The following FMNL2 variants were observed in gnomAD, a reference collection of about 807,000 sequenced individuals.
The protein encoded by FMNL2 is formin-like protein 2.
In FMNL2, 51 loss-of-function variants were observed where a neutral mutation model predicts 130.2. That is an observed-to-expected ratio of 0.39 (90% CI 0.31 to 0.49). FMNL2 has a LOEUF of 0.49. FMNL2 is among the 20% of genes least tolerant of loss of function. The pLI is 0.85. For synonymous variants in FMNL2, 465 were observed against 467.1 expected (o/e 1.00, Z 0.06); for missense variants, 977 against 1,316.2 (o/e 0.74, Z 3.99).
chr2:152,538,610 T>C (rs1294263112), intron 2 of FMNL2, among the ~76,000 whole-genome samples: 1 of 152,072 alleles, frequency 6.6e-6, no homozygotes. Flanking sequence ...ATAAAACTCA[T>C]ATAAAACTTT....
intron 1 of FMNL2, among the ~76,000 whole-genome samples, chr2:152,431,184 T>A (rs1477162990): frequency 6.6e-6 from 1 of 152,222 alleles, no homozygotes; most frequent in Non-Finnish European, 1.5e-5. Context: ...TAGGAAACAC[T>A]GCTTTAAATC....
At chr2:152,388,751 A>C (rs1313560929) in intron 1 of FMNL2, among the ~76,000 whole-genome samples, 3 of 152,218 alleles carry the variant, frequency 2.0e-5, no homozygotes. Flanking sequence ...TAGTTTGTGC[A>C]CAAGTTTTCA....
At chr2:152,415,617 T>C (rs543718155) in intron 1 of FMNL2, among the ~76,000 whole-genome samples, 2 of 149,952 alleles carry the variant, frequency 1.3e-5, no homozygotes, top group Non-Finnish European at 3.0e-5. Flanking sequence ...GTAATACTAA[T>C]ATTGAGTTCA....
intron 9 of FMNL2, among the ~76,000 whole-genome samples, chr2:152,581,656 A>G (rs564840084): frequency 1.4e-4 from 21 of 152,264 alleles, no homozygotes; most frequent in African/African-American, 4.3e-4. Context: ...AGTGTATCCA[A>G]ACATCACCGC....
At chr2:152,585,242 G>C (rs1697002732) in intron 9 of FMNL2, among the ~76,000 whole-genome samples, 1 of 152,056 alleles carries the variant, frequency 6.6e-6, no homozygotes, top group Admixed American at 6.6e-5. Flanking sequence ...TTATGGTCTT[G>C]AAATAAAGAC....
At chr2:152,618,299 A>C (rs889622863) in intron 13 of FMNL2, among the ~76,000 whole-genome samples, 2 of 152,228 alleles carry the variant, frequency 1.3e-5, no homozygotes, top group African/African-American at 4.8e-5. Flanking sequence ...AACAATCGCT[A>C]TCCTGAGCTT....
chr2:152,479,670 A>C (rs907551432), intron 1 of FMNL2, among the ~76,000 whole-genome samples: 1 of 148,168 alleles, frequency 6.7e-6, no homozygotes, highest in Non-Finnish European at 1.5e-5. Context: ...CATTGGCTTT[A>C]AAATATATAT....
In FMNL2 at chr2:152,613,706, T is replaced by C. The variant is rs559572505; in HGVS notation, c.1063-1145T>C. ...TTAGAAGAGTAATGTAAATGTATGCTATATAAATGCTTCACTAGTTTACAA... is the reference window on the plus strand; with the variant it reads ...TTAGAAGAGTAATGTAAATGTATGCCATATAAATGCTTCACTAGTTTACAA... On this transcript the variant is annotated intron_variant, in intron 11 of 25. Transcript: ENST00000288670. 1.2e-4 allele frequency among the ~76,000 whole-genome samples: 18 copies of C among 152,364 alleles called. No homozygotes were observed. In the South Asian group the frequency reaches 2.5e-3, roughly 21 times the overall value.
chr2:152,572,886 A>C (rs1696258264), intron 6 of FMNL2, among the ~76,000 whole-genome samples: 1 of 152,180 alleles, frequency 6.6e-6, no homozygotes, highest in African/African-American at 2.4e-5. Context: ...AGATTCCATA[A>C]AATATGCATG....
At chr2:152,630,602 G>A (rs1682094596) in intron 20 of FMNL2, among the ~76,000 whole-genome samples, 1 of 152,194 alleles carries the variant, frequency 6.6e-6, no homozygotes, top group African/African-American at 2.4e-5. Flanking sequence ...CTGGGCAGTG[G>A]GTTGAGTCCC....
At chr2:152,546,946 C>CT (rs34129916) in intron 3 of FMNL2, among the ~76,000 whole-genome samples, 35,145 of 135,758 alleles carry the variant, frequency 0.26, 5,007 homozygotes, top group African/African-American at 0.35. Flanking sequence ...TGCCCCCATT[C>CT]TTTTTTTTTT....
intron 1 of FMNL2, among the ~76,000 whole-genome samples, chr2:152,452,257 A>G (rs1688685829): frequency 1.3e-5 from 2 of 152,234 alleles, no homozygotes; most frequent in Admixed American, 6.5e-5. Context: ...GAATCATTTA[A>G]ATTAGATTTT....
At chr2:152,433,315 T>C (rs1687593170) in intron 1 of FMNL2, among the ~76,000 whole-genome samples, 1 of 152,216 alleles carries the variant, frequency 6.6e-6, no homozygotes, top group Non-Finnish European at 1.5e-5. Context: ...TGCAAGAGTG[T>C]AGGTTGTCTT....
intron 1 of FMNL2, among the ~76,000 whole-genome samples, chr2:152,505,138 T>A (rs947224374): frequency 2.6e-5 from 4 of 152,092 alleles, no homozygotes; most frequent in Admixed American, 1.3e-4. Flanking sequence ...CTATATTTAC[T>A]AAGTCAGAAG....
At chr2:152,358,982 C>A (rs1683003994) in intron 1 of FMNL2, among the ~76,000 whole-genome samples, 1 of 152,058 alleles carries the variant, frequency 6.6e-6, no homozygotes, top group Non-Finnish European at 1.5e-5. Context: ...GAAATTCATC[C>A]CCACAGTGTA....
chr2:152,525,432 TG>T, intron 2 of FMNL2, among the ~76,000 whole-genome samples: 1 of 152,254 alleles, frequency 6.6e-6, no homozygotes, highest in Middle Eastern at 3.4e-3. Flanking sequence ...ATCCCTATGC[TG>T]GGTTATAAAA....
chr2:152,409,695 C>G (rs567229623), intron 1 of FMNL2, among the ~76,000 whole-genome samples: 1 of 152,134 alleles, frequency 6.6e-6, no homozygotes, highest in African/African-American at 2.4e-5. Flanking sequence ...CCCTGATTAA[C>G]GATGAAGCTG....
intron 1 of FMNL2, among the ~76,000 whole-genome samples, chr2:152,484,615 TA>T (rs1690715041): frequency 6.6e-6 from 1 of 151,736 alleles, no homozygotes; most frequent in African/African-American, 2.4e-5. Flanking sequence ...ATAAAAAACT[TA>T]AAAAATTAGC....
chr2:152,568,384 T>C (rs1695982205), intron 6 of FMNL2, among the ~76,000 whole-genome samples: 1 of 151,972 alleles, frequency 6.6e-6, no homozygotes, highest in Non-Finnish European at 1.5e-5. Flanking sequence ...CCCAGCTAAT[T>C]TTTGTATTTT....
Sources: allele counts gnomAD v4.1 joint callset (sites outside exome capture counted in the v4.1 genomes callset), GRCh38; gene constraint gnomAD v4.1.1; transcripts MANE v1.5; gene names NCBI Gene and HGNC (gene_info 2026-07-23, HGNC 2026-07-21).